FUT9: variants seen among roughly 807,000 people sequenced by gnomAD.
FUT9 encodes the protein fucosyltransferase 9.
In FUT9, 15 loss-of-function variants were observed where a neutral mutation model predicts 29.7. The observed-to-expected ratio is 0.51, with a 90% CI of 0.34 to 0.78. The LOEUF (loss-of-function observed/expected upper bound fraction) is 0.78. FUT9 is among the 30% of genes least tolerant of loss of function. The pLI is 0.01. For synonymous variants in FUT9, 169 were observed against 153.7 expected, an observed-to-expected ratio of 1.10 and a Z score of -0.74; for missense variants, 319 against 425.4, an observed-to-expected ratio of 0.75 and a Z score of 2.20.
intron 1 of FUT9, among the ~76,000 whole-genome samples, chr6:96,089,992 G>GCCC (rs1398728456): frequency 2.0e-5 from 3 of 151,990 alleles, no homozygotes; most frequent in Non-Finnish European, 1.5e-5. Context: ...TTGTATTATA[G>GCCC]GAAGACTTGA....
At chr6:96,086,299 A>C (rs758323965) in intron 1 of FUT9, among the ~76,000 whole-genome samples, 1 of 152,162 alleles carries the variant, frequency 6.6e-6, no homozygotes, top group Non-Finnish European at 1.5e-5. Flanking sequence ...TTTGCTAGCT[A>C]TGCAGTCTAC....
At chr6:96,138,027 T>C (rs1009927504) in intron 2 of FUT9, among the ~76,000 whole-genome samples, 1 of 152,138 alleles carries the variant, frequency 6.6e-6, no homozygotes, top group Non-Finnish European at 1.5e-5. Context: ...TAACTGCTCA[T>C]CTGTTGAATT....
chr6:96,176,381 ATCC>A (rs956642956), intron 2 of FUT9, among the ~76,000 whole-genome samples: 6 of 151,890 alleles, frequency 4.0e-5, no homozygotes, highest in African/African-American at 1.4e-4. Context: ...ATTTATATAT[ATCC>A]TATTGGTTCT....
chr6:96,041,191 G>T (rs1770453668), intron 1 of FUT9, among the ~76,000 whole-genome samples: 1 of 151,534 alleles, frequency 6.6e-6, no homozygotes, highest in African/African-American at 2.4e-5. Flanking sequence ...CCAACTTCTT[G>T]AGGACAGGGT....
At chr6:96,124,562 T>C (rs1772097167) in intron 2 of FUT9, among the ~76,000 whole-genome samples, 1 of 152,170 alleles carries the variant, frequency 6.6e-6, no homozygotes, top group Non-Finnish European at 1.5e-5. Flanking sequence ...ATATAAATTG[T>C]GTTCTTACTT....
At chr6:96,135,741 T>G (rs1772336506) in intron 2 of FUT9, among the ~76,000 whole-genome samples, 1 of 151,862 alleles carries the variant, frequency 6.6e-6, no homozygotes, top group Admixed American at 6.6e-5. Flanking sequence ...TACAACATTG[T>G]GCTAATAGTG....
chr6:96,050,057 A>G (rs1770637335), intron 1 of FUT9, among the ~76,000 whole-genome samples: 1 of 152,162 alleles, frequency 6.6e-6, no homozygotes, highest in Non-Finnish European at 1.5e-5. Context: ...ATGTGCAAAC[A>G]GGGTTGCAAG....
intron 1 of FUT9, among the ~76,000 whole-genome samples, chr6:96,018,442 A>G (rs1185362303): frequency 1.3e-5 from 2 of 152,144 alleles, no homozygotes; most frequent in Non-Finnish European, 1.5e-5. Flanking sequence ...AAGAATTTCT[A>G]TAAAGAATTA....
At chr6:96,190,859 C>T (rs1013438817) in intron 2 of FUT9, among the ~76,000 whole-genome samples, 4 of 152,106 alleles carry the variant, frequency 2.6e-5, no homozygotes, top group South Asian at 2.1e-4. Flanking sequence ...CAAACTTTCT[C>T]CTTTAGCTCA....
intron 2 of FUT9, among the ~76,000 whole-genome samples, chr6:96,128,845 C>T (rs1328046872): frequency 1.3e-5 from 2 of 151,858 alleles, no homozygotes; most frequent in Non-Finnish European, 2.9e-5. Flanking sequence ...AACTAAAGGG[C>T]CAGGCACAGT....
chr6:96,203,482 T>C lies in FUT9; in HGVS notation c.327T>C (p.His109=). ...LYNKSHAVLI[H]HRDISWDLTN... is the part of the protein sequence containing the mutation. ...ACAAATCCCATGCAGTTCTGATCCATCACCGAGACATCAGTTGGGATCTGA... is the reference window on the plus strand; with the variant it reads ...ACAAATCCCATGCAGTTCTGATCCACCACCGAGACATCAGTTGGGATCTGA... The change falls in exon 3 of 3, where the codon CAT becomes CAC. Residue 109 remains histidine (H), a synonymous_variant. Coordinates refer to ENST00000302103, the MANE Select transcript of FUT9 (RefSeq NM_006581.4). 6.2e-7 allele frequency: 1 copy of C among 1,610,478 alleles called. No homozygotes were observed. The highest frequency in any genetic ancestry group is 8.5e-7 in the Non-Finnish European group (1 of 1,178,134).
At chr6:96,119,805 C>T (rs1771987098) in intron 2 of FUT9, among the ~76,000 whole-genome samples, 1 of 152,094 alleles carries the variant, frequency 6.6e-6, no homozygotes, top group Non-Finnish European at 1.5e-5. Context: ...CAAGCTTTCT[C>T]CCTATTGCTT....
chr6:96,113,284 G>T (rs1023196192), intron 1 of FUT9, among the ~76,000 whole-genome samples: 1 of 151,842 alleles, frequency 6.6e-6, no homozygotes, highest in Non-Finnish European at 1.5e-5. Context: ...TGTCACTGAG[G>T]CTGGAGTGCA....
chr6:96,116,217 G>A (rs9390867), intron 2 of FUT9, among the ~76,000 whole-genome samples: 25,998 of 152,106 alleles, frequency 0.17, 2,433 homozygotes, highest in Non-Finnish European at 0.19. Context: ...GAAAGCCACA[G>A]TAAGATGCCA....
chr6:96,018,264 C>T (rs1770014563), intron 1 of FUT9, among the ~76,000 whole-genome samples: 1 of 152,000 alleles, frequency 6.6e-6, no homozygotes, highest in Admixed American at 6.5e-5. Context: ...CGATACATCC[C>T]AAATTGAAAG....
chr6:96,124,384 T>C (rs563480492), intron 2 of FUT9, among the ~76,000 whole-genome samples: 2 of 152,174 alleles, frequency 1.3e-5, no homozygotes, highest in African/African-American at 4.8e-5. Flanking sequence ...TCCTCTGACC[T>C]TGTGATCAGC....
intron 1 of FUT9, among the ~76,000 whole-genome samples, chr6:96,043,541 C>T (rs1229520410): frequency 6.6e-6 from 1 of 152,146 alleles, no homozygotes; most frequent in Non-Finnish European, 1.5e-5. Context: ...TCTATAAAAT[C>T]CCCAAATCTG....
chr6:96,074,921 C>G (rs1385149023), intron 1 of FUT9, among the ~76,000 whole-genome samples: 1 of 151,802 alleles, frequency 6.6e-6, no homozygotes, highest in Non-Finnish European at 1.5e-5. Flanking sequence ...GGACTGCAAG[C>G]TCACGCCACC....
intron 2 of FUT9, among the ~76,000 whole-genome samples, chr6:96,127,742 G>A (rs1396296414): frequency 6.6e-6 from 1 of 151,932 alleles, no homozygotes; most frequent in South Asian, 2.1e-4. Context: ...GTATGAGATG[G>A]TATCTCATGG....
Sources: allele counts gnomAD v4.1 joint callset (sites outside exome capture counted in the v4.1 genomes callset), GRCh38; gene constraint gnomAD v4.1.1; transcripts MANE v1.5; gene names NCBI Gene and HGNC (gene_info 2026-07-23, HGNC 2026-07-21).